The following CCDC7 variants were observed in gnomAD, a reference collection of about 807,000 sequenced individuals.
The protein encoded by CCDC7 is coiled-coil domain containing 7, also known as coiled-coil domain-containing protein 7.
In CCDC7, 183 loss-of-function variants were observed where a neutral mutation model predicts 196.9. The ratio of observed to expected loss-of-function variants is 0.93; its 90% CI spans 0.82 to 1.05. CCDC7 has a LOEUF of 1.05. CCDC7 is among the 50% of genes least tolerant of loss of function. CCDC7 has a pLI of 0.00. For missense variants in CCDC7, 1,540 were observed against 1,482.2 expected (o/e 1.04, Z -0.64); for synonymous variants, 525 against 484.6 (o/e 1.08, Z -1.10).
chr10:32,678,964 G>C (rs1021425787), intron 21 of CCDC7, among the ~76,000 whole-genome samples: 1 of 152,002 alleles, frequency 6.6e-6, no homozygotes, highest in Non-Finnish European at 1.5e-5. Context: ...CCTATTCCAT[G>C]ATCTTACTTA....
At chr10:32,806,400 A>C (rs1290834682) in intron 30 of CCDC7, among the ~76,000 whole-genome samples, 1 of 152,196 alleles carries the variant, frequency 6.6e-6, no homozygotes, top group African/African-American at 2.4e-5. Flanking sequence ...GCTTATGAGA[A>C]TCCTAGCTGT....
chr10:32,744,225 C>G lies in CCDC7; in HGVS notation c.2905+14768C>G, dbSNP rs183310194. Among the ~76,000 whole-genome samples, 361 of 151,842 alleles carry G rather than the reference C, an allele frequency of 2.4e-3. 2 individuals carry two copies. Among genetic ancestry groups the G allele is most frequent in the African/African-American group, 8.3e-3 (343 of 41,422 alleles). On this transcript the variant is annotated intron_variant, in intron 28 of 41. Coordinates refer to ENST00000639629, the Ensembl canonical transcript of CCDC7. The stretch of plus-strand genomic sequence containing the variant: ...AAGAACAAATAATGTGAATGAGATA[C>G]TAAATGTTCAAAGCCTATACTGTTT...
chr10:32,697,467 G>A (rs56104402), intron 24 of CCDC7, among the ~76,000 whole-genome samples: 17,146 of 152,208 alleles, frequency 0.11, 1,152 homozygotes, highest in South Asian at 0.27. Context: ...GGACACTCCC[G>A]CCTTAATACA....
chr10:32,511,644 T>G, intron 9 of CCDC7: 1 of 1,575,476 alleles, frequency 6.3e-7, no homozygotes, highest in Non-Finnish European at 8.7e-7. Context: ...ATCGTGGTCT[T>G]CAGCATCTCA....
chr10:32,693,276 T>G (rs367576436), intron 23 of CCDC7, among the ~76,000 whole-genome samples: 11 of 152,342 alleles, frequency 7.2e-5, no homozygotes, highest in African/African-American at 2.4e-4. Context: ...AAGTTATACT[T>G]AGAGGAGTAT....
intron 5 of CCDC7, among the ~76,000 whole-genome samples, chr10:32,470,341 A>G (rs1253772800): frequency 2.0e-5 from 3 of 152,128 alleles, no homozygotes; most frequent in South Asian, 2.1e-4. Context: ...CCATTTTCCT[A>G]TCAAAACTTG....
intron 31 of CCDC7, among the ~76,000 whole-genome samples, chr10:32,816,702 C>T (rs185048921): frequency 8.5e-5 from 13 of 152,254 alleles, no homozygotes; most frequent in South Asian, 6.2e-4. Flanking sequence ...CTGCAGCCTC[C>T]GCTGCTGATA....
intron 9 of CCDC7, chr10:32,513,234 A>G (rs929514099): frequency 6.6e-6 from 1 of 152,174 alleles, no homozygotes; most frequent in East Asian, 1.9e-4. Context: ...TAACTATGTG[A>G]CCACAAATTA....
chr10:32,705,501 C>G (rs1270346059), intron 24 of CCDC7, among the ~76,000 whole-genome samples: 1 of 151,982 alleles, frequency 6.6e-6, no homozygotes, highest in African/African-American at 2.4e-5. Flanking sequence ...GCTAAATGCC[C>G]CAATTAAAAG....
intron 29 of CCDC7, among the ~76,000 whole-genome samples, chr10:32,794,679 T>A (rs1172743427): frequency 6.6e-6 from 1 of 152,220 alleles, no homozygotes; most frequent in South Asian, 2.1e-4. Flanking sequence ...ATATTAGTGA[T>A]AATGAGCAAT....
chr10:32,680,708 C>T (rs1052148890), intron 21 of CCDC7, among the ~76,000 whole-genome samples: 1 of 152,112 alleles, frequency 6.6e-6, no homozygotes. Context: ...GTCATCTTGG[C>T]GTCAAGGGTT....
intron 24 of CCDC7, among the ~76,000 whole-genome samples, chr10:32,707,694 C>T (rs1169841834): frequency 1.3e-5 from 2 of 152,116 alleles, no homozygotes; most frequent in African/African-American, 2.4e-5. Flanking sequence ...AACAGAGAGC[C>T]AAATCATGAG....
chr10:32,850,166 C>G lies in CCDC7; in HGVS notation c.3895+1448C>G, dbSNP rs77960090. ...ACAAAATGAGAAGAACAAGTCTGTC[C>G]TTTTTCCTCCAAATTTGCAGATTTC... On this transcript the variant is annotated intron_variant, in intron 39 of 41. Coordinates refer to ENST00000639629, the Ensembl canonical transcript of CCDC7. Among the ~76,000 whole-genome samples the G allele has an allele frequency of 2.3e-3, 344 of 152,260 alleles. 1 individual carries two copies. Among genetic ancestry groups the G allele is most frequent in the African/African-American group, 7.3e-3 (302 of 41,560 alleles).
chr10:32,680,267 A>G (rs2075667043), intron 21 of CCDC7, among the ~76,000 whole-genome samples: 2 of 152,154 alleles, frequency 1.3e-5, no homozygotes, highest in African/African-American at 4.8e-5. Context: ...AACTGCAGCA[A>G]TAAGTTAAGG....
At chr10:32,810,047 CA>C (rs1351909067) in intron 30 of CCDC7, among the ~76,000 whole-genome samples, 2 of 150,604 alleles carry the variant, frequency 1.3e-5, no homozygotes, top group East Asian at 3.9e-4. Flanking sequence ...TGGAAACACA[CA>C]AATGAGGAAG....
intron 18 of CCDC7, among the ~76,000 whole-genome samples, chr10:32,601,453 T>C (rs1241106806): frequency 2.6e-5 from 4 of 152,258 alleles, no homozygotes; most frequent in African/African-American, 9.6e-5. Flanking sequence ...ACAAAGTTGG[T>C]TCTGATAGTT....
At chr10:32,504,923 G>C (rs182745855) in intron 9 of CCDC7, among the ~76,000 whole-genome samples, 1 of 152,270 alleles carries the variant, frequency 6.6e-6, no homozygotes, top group South Asian at 2.1e-4. Flanking sequence ...AGGTCCATTT[G>C]GCCTAAAGTA....
At chr10:32,728,613 T>C (rs1329865030) in intron 26 of CCDC7, among the ~76,000 whole-genome samples, 1 of 152,224 alleles carries the variant, frequency 6.6e-6, no homozygotes, top group Non-Finnish European at 1.5e-5. Context: ...AGCTAAAGTA[T>C]AAATTATCAT....
chr10:32,451,683 C>G, exon 1 of CCDC7: 1 of 1,611,200 alleles, frequency 6.2e-7, no homozygotes, highest in Non-Finnish European at 8.5e-7. Flanking sequence ...AGTAACAAAT[C>G]GGCAAATGTT....
Sources: gnomAD v4.1 joint callset for allele counts (sites outside exome capture counted in the v4.1 genomes callset) on GRCh38, gnomAD v4.1.1 for gene constraint, MANE v1.5 for transcripts, NCBI Gene and HGNC (gene_info 2026-07-23, HGNC 2026-07-21) for gene names.